ROBO1: variants seen among roughly 807,000 people sequenced by gnomAD.
ROBO1 encodes the protein roundabout homolog 1.
Under a neutral mutation model 195.9 loss-of-function variants are expected in ROBO1, and 149 were observed. The ratio of observed to expected loss-of-function variants is 0.76; its 90% CI spans 0.67 to 0.87. The LOEUF is 0.87. ROBO1 is among the 40% of genes least tolerant of loss of function. The pLI, the probability that ROBO1 is intolerant of heterozygous loss-of-function variation, is 0.00. For synonymous variants in ROBO1, 816 were observed against 733.2 expected, an observed-to-expected ratio of 1.11 and a Z score of -1.82; for missense variants, 1,933 against 2,068.3, an observed-to-expected ratio of 0.93 and a Z score of 1.27.
At chr3:79,070,894 T>G (rs2079076552) in intron 3 of ROBO1, among the ~76,000 whole-genome samples, 1 of 151,834 alleles carries the variant, frequency 6.6e-6, no homozygotes, top group Non-Finnish European at 1.5e-5. Flanking sequence ...TAATTCTTTT[T>G]ATACTGACTT....
In ROBO1 at chr3:78,658,776, T is replaced by C. The variant is rs1319575595; in HGVS notation, c.2442+910A>G. Among the ~76,000 whole-genome samples, 3 of 152,224 alleles carry C rather than the reference T, an allele frequency of 2.0e-5. No individual in the cohort carries two copies. The East Asian group carries it at 5.8e-4, about 29-fold the overall frequency. ...AGTTTCAATACATAACACCAAGAAA[T>C]GCTCAGACCCTATACCAGGAGCTGA... On this transcript the variant is annotated intron_variant, in intron 17 of 30. Coordinates refer to ENST00000464233, the MANE Select transcript of ROBO1 (RefSeq NM_002941.4).
chr3:79,734,903 G>A (rs574326219), intron 1 of ROBO1, among the ~76,000 whole-genome samples: 1 of 152,178 alleles, frequency 6.6e-6, no homozygotes. Context: ...GTTTTAATTT[G>A]TCTGGATGCT....
At chr3:78,778,892 T>A (rs994379379) in intron 4 of ROBO1, among the ~76,000 whole-genome samples, 2 of 152,172 alleles carry the variant, frequency 1.3e-5, no homozygotes, top group African/African-American at 4.8e-5. Context: ...CAAAACAGCA[T>A]GGTACTAGTA....
chr3:79,696,794 A>G (rs1235193796), intron 1 of ROBO1, among the ~76,000 whole-genome samples: 1 of 151,486 alleles, frequency 6.6e-6, no homozygotes, highest in Non-Finnish European at 1.5e-5. Context: ...AAAAGTGGCA[A>G]TTGTATTAGT....
intron 4 of ROBO1, among the ~76,000 whole-genome samples, chr3:78,837,781 T>C (rs9811651): frequency 1.4e-4 from 21 of 151,864 alleles, no homozygotes; most frequent in East Asian, 3.9e-4. Context: ...TATACGAAAA[T>C]TGAATTAACA....
intron 3 of ROBO1, among the ~76,000 whole-genome samples, chr3:79,027,480 A>G (rs1051285302): frequency 1.3e-5 from 2 of 152,014 alleles, no homozygotes; most frequent in Non-Finnish European, 2.9e-5. Context: ...TTTGGGATTT[A>G]ATAGCTTCTT....
At chr3:78,606,613 C>G in intron 29 of ROBO1, 120 bp downstream of exon 29, 1 of 915,602 alleles carries the variant, frequency 1.1e-6, no homozygotes, top group East Asian at 2.4e-5. Context: ...ATGCCTATCT[C>G]CTCCACTGGA....
chr3:79,660,616 A>G (rs1196404762), intron 1 of ROBO1, among the ~76,000 whole-genome samples: 1 of 152,104 alleles, frequency 6.6e-6, no homozygotes, highest in Non-Finnish European at 1.5e-5. Flanking sequence ...TGTTGTTAAG[A>G]GAGTAGCTGA....
intron 2 of ROBO1, among the ~76,000 whole-genome samples, chr3:79,189,557 C>A (rs1484983646): frequency 6.6e-6 from 1 of 151,574 alleles, no homozygotes; most frequent in Non-Finnish European, 1.5e-5. Flanking sequence ...AAGTCTGAGT[C>A]TTTGAGTTAA....
At chr3:79,550,122 C>G (rs1047746976) in intron 2 of ROBO1, among the ~76,000 whole-genome samples, 1 of 133,876 alleles carries the variant, frequency 7.5e-6, no homozygotes, top group Non-Finnish European at 1.6e-5. Context: ...AAGACTCCAT[C>G]TCCAAAGGAA....
At chr3:79,459,617 G>T (rs115158067) in intron 2 of ROBO1, among the ~76,000 whole-genome samples, 5,237 of 152,026 alleles carry the variant, frequency 0.034, 207 homozygotes, top group African/African-American at 0.098. Flanking sequence ...TTAGAAAAAA[G>T]AATATATTGA....
chr3:79,586,978 G>A (rs1439441561), intron 2 of ROBO1, among the ~76,000 whole-genome samples: 1 of 151,844 alleles, frequency 6.6e-6, no homozygotes, highest in Middle Eastern at 3.2e-3. Context: ...AAAGAGGTGG[G>A]CTTTAATGGG....
At chr3:79,080,744 T>C (rs2079257956) in intron 3 of ROBO1, among the ~76,000 whole-genome samples, 2 of 152,110 alleles carry the variant, frequency 1.3e-5, no homozygotes. Context: ...CCAGGTGGTA[T>C]ATTAAAAAGG....
chr3:78,629,703 T>C (rs1705059814), intron 25 of ROBO1, among the ~76,000 whole-genome samples: 1 of 140,814 alleles, frequency 7.1e-6, no homozygotes, highest in African/African-American at 2.6e-5. Context: ...ACAGTTTCGT[T>C]TTCATTACTT....
chr3:78,651,643 T>C, intron 19 of ROBO1, 89 bp downstream of exon 19: 1 of 1,065,518 alleles, frequency 9.4e-7, no homozygotes, highest in Non-Finnish European at 1.3e-6. Context: ...TTTTAGAGGA[T>C]ATGCATAATC....
chr3:78,651,666 G>T, intron 19 of ROBO1, 66 bp downstream of exon 19: 3 of 1,262,008 alleles, frequency 2.4e-6, no homozygotes, highest in Middle Eastern at 2.0e-4. Context: ...GAATAATTTG[G>T]AATCAAATAT....
At chr3:79,085,215 C>G (rs2079345803) in intron 3 of ROBO1, among the ~76,000 whole-genome samples, 1 of 152,084 alleles carries the variant, frequency 6.6e-6, no homozygotes, top group Non-Finnish European at 1.5e-5. Flanking sequence ...ACAAAGTGAG[C>G]CCTTAAATCA....
At chr3:79,533,361 A>G (rs1180136740) in intron 2 of ROBO1, among the ~76,000 whole-genome samples, 1 of 152,174 alleles carries the variant, frequency 6.6e-6, no homozygotes, top group Non-Finnish European at 1.5e-5. Context: ...AGAACTTCTA[A>G]ATCAATATGA....
chr3:78,727,689 T>C (rs1259630751), intron 5 of ROBO1, among the ~76,000 whole-genome samples: 7 of 152,220 alleles, frequency 4.6e-5, no homozygotes, highest in Non-Finnish European at 1.0e-4. Context: ...TAATTATATT[T>C]CTGAACATAC....
Sources: gnomAD v4.1 joint callset for allele counts (sites outside exome capture counted in the v4.1 genomes callset) on GRCh38, gnomAD v4.1.1 for gene constraint, MANE v1.5 for transcripts, NCBI Gene and HGNC (gene_info 2026-07-23, HGNC 2026-07-21) for gene names.